Variants in PCDH7 observed in about 807,000 individuals in gnomAD.
The protein encoded by PCDH7 is protocadherin 7.
Under a neutral mutation model 58.9 loss-of-function variants are expected in PCDH7, and 17 were observed. That is an observed-to-expected ratio of 0.29 (90% CI 0.20 to 0.43). The LOEUF (loss-of-function observed/expected upper bound fraction) is 0.43, where lower values mean the gene tolerates loss of function less well. Among genes scored for constraint, PCDH7 ranks in the 20% least tolerant of loss-of-function variants. The pLI is 1.00. For missense variants in PCDH7, 1,274 were observed against 1,441.0 expected (o/e 0.88, Z 1.88); for synonymous variants, 664 against 616.4 (o/e 1.08, Z -1.14).
intron 1 of PCDH7, among the ~76,000 whole-genome samples, chr4:30,891,615 A>G (rs1206366209): frequency 6.6e-6 from 1 of 151,934 alleles, no homozygotes; most frequent in East Asian, 1.9e-4. Flanking sequence ...CAAATCCACT[A>G]TTTTTCTCTT....
intron 3 of PCDH7, among the ~76,000 whole-genome samples, chr4:30,985,405 G>A (rs1017350288): frequency 3.3e-5 from 5 of 151,936 alleles, no homozygotes; most frequent in African/African-American, 1.2e-4. Flanking sequence ...GTTATTCCAG[G>A]CTAGATTGGT....
chr4:31,101,094 G>A (rs1714836708), intron 3 of PCDH7, among the ~76,000 whole-genome samples: 1 of 152,060 alleles, frequency 6.6e-6, no homozygotes, highest in Non-Finnish European at 1.5e-5. Context: ...ATTATTACCA[G>A]GTAGCATTTT....
chr4:31,095,811 A>G (rs1713898268), intron 3 of PCDH7, among the ~76,000 whole-genome samples: 1 of 152,190 alleles, frequency 6.6e-6, no homozygotes, highest in Admixed American at 6.5e-5. Flanking sequence ...CTTTCTCTCT[A>G]TAGTGTTTCT....
chr4:30,791,261 C>T (rs1286100051), intron 1 of PCDH7, among the ~76,000 whole-genome samples: 1 of 152,082 alleles, frequency 6.6e-6, no homozygotes, highest in Admixed American at 6.6e-5. Context: ...GGAATTCAGC[C>T]TGCTTGGGTT....
intron 3 of PCDH7, among the ~76,000 whole-genome samples, chr4:31,039,679 C>G (rs912703103): frequency 2.0e-5 from 3 of 152,146 alleles, no homozygotes; most frequent in African/African-American, 7.2e-5. Flanking sequence ...TTCCTTGACT[C>G]TACACATTCT....
At chr4:30,926,376 G>C (rs527734111) in intron 2 of PCDH7, among the ~76,000 whole-genome samples, 1 of 151,954 alleles carries the variant, frequency 6.6e-6, no homozygotes, top group Non-Finnish European at 1.5e-5. Context: ...AGTAGAGACA[G>C]GGTTTCACCA....
chr4:31,072,889 TC>T (rs1334835359), intron 3 of PCDH7, among the ~76,000 whole-genome samples: 1 of 152,036 alleles, frequency 6.6e-6, no homozygotes, highest in Non-Finnish European at 1.5e-5. Flanking sequence ...TAGGGGTCAT[TC>T]TTTAGTGCGG....
intron 1 of PCDH7, among the ~76,000 whole-genome samples, chr4:30,729,859 A>T (rs955186720): frequency 6.6e-6 from 1 of 151,994 alleles, no homozygotes; most frequent in Non-Finnish European, 1.5e-5. Flanking sequence ...TTAACTTTCA[A>T]TTGGATTGCT....
At chr4:30,808,728 C>T (rs1419446595) in intron 1 of PCDH7, among the ~76,000 whole-genome samples, 2 of 152,072 alleles carry the variant, frequency 1.3e-5, no homozygotes, top group African/African-American at 2.4e-5. Context: ...ACAAATGTGT[C>T]GTGTGAAAAG....
intron 3 of PCDH7, among the ~76,000 whole-genome samples, chr4:31,040,671 G>A (rs927298583): frequency 2.6e-5 from 4 of 152,128 alleles, no homozygotes; most frequent in African/African-American, 4.8e-5. Context: ...AGTTCATTAG[G>A]TAAGCCTTTA....
In PCDH7 at chr4:30,723,049, T is replaced by C; in HGVS notation, c.1627T>C (p.Tyr543His). Residue 543 changes from tyrosine (Y) to histidine (H), a missense_variant, in exon 1 of 2, where the codon TAC (tyrosine) becomes CAC (histidine). This residue lies in a region of PCDH7 where 731 missense variants were observed against 881.9 expected (regional missense o/e 0.83). Transcript: ENST00000361762. The surrounding 1 kb of genome is among the most constrained non-coding windows in gnomAD (Gnocchi z 4.6). ...GTTCGGCCAGTCGGTGGTGGAGGTTTACTTCCCTGAGAACAACATCCCGGG... is the reference window on the plus strand; with the variant it reads ...GTTCGGCCAGTCGGTGGTGGAGGTTCACTTCCCTGAGAACAACATCCCGGG... The C allele has an allele frequency of 1.2e-6, 2 of 1,613,866 alleles. No homozygotes were observed. The highest frequency in any genetic ancestry group is 1.7e-6 in the Non-Finnish European group (2 of 1,180,018).
intron 3 of PCDH7, among the ~76,000 whole-genome samples, chr4:31,021,953 A>G (rs1754055738): frequency 6.6e-6 from 1 of 152,204 alleles, no homozygotes; most frequent in African/African-American, 2.4e-5. Flanking sequence ...TTAGTTTTGA[A>G]ATTATAAGGT....
intron 3 of PCDH7, among the ~76,000 whole-genome samples, chr4:31,051,854 G>T (rs750580157): frequency 6.6e-6 from 1 of 151,102 alleles, no homozygotes; most frequent in African/African-American, 2.4e-5. Context: ...TAGGGGAATT[G>T]TTCATGATAT....
intron 1 of PCDH7, among the ~76,000 whole-genome samples, chr4:30,894,650 G>A (rs1739171102): frequency 7.1e-6 from 1 of 140,332 alleles, no homozygotes; most frequent in Admixed American, 7.4e-5. Context: ...TTTAATCCAG[G>A]TAAATGATCT....
chr4:30,962,729 C>CCATGATCACGCCACTGCAGCCTGGG (rs1748566986), intron 3 of PCDH7, among the ~76,000 whole-genome samples: 1 of 138,622 alleles, frequency 7.2e-6, no homozygotes. Context: ...CTGCAGTGAG[C>CCATGATCACGCCACTGCAGCCTGGG]CATGATCACG....
chr4:31,078,125 G>A (rs13133529), intron 3 of PCDH7, among the ~76,000 whole-genome samples: 6,049 of 152,186 alleles, frequency 0.04, 407 homozygotes, highest in East Asian at 0.33. Context: ...GGGACTAAGC[G>A]CATCTTCAGA....
At chr4:30,772,594 C>T (rs979469357) in intron 1 of PCDH7, among the ~76,000 whole-genome samples, 10 of 152,164 alleles carry the variant, frequency 6.6e-5, no homozygotes, top group Non-Finnish European at 1.2e-4. Flanking sequence ...TTCATTCCAT[C>T]TGCCATGCCT....
intron 3 of PCDH7, among the ~76,000 whole-genome samples, chr4:31,139,494 A>G (rs894897416): frequency 2.0e-5 from 3 of 152,216 alleles, no homozygotes; most frequent in African/African-American, 4.8e-5. Flanking sequence ...TAATGCCACA[A>G]AAAAATAGGA....
intron 1 of PCDH7, among the ~76,000 whole-genome samples, chr4:30,800,967 C>G (rs1725458201): frequency 6.6e-6 from 1 of 152,188 alleles, no homozygotes; most frequent in Non-Finnish European, 1.5e-5. Context: ...GTTGGCTCTG[C>G]TGATAGAGTG....
Sources: gnomAD v4.1 joint callset for allele counts (sites outside exome capture counted in the v4.1 genomes callset) on GRCh38, gnomAD v4.1.1 for gene constraint, gnomAD v4.1.1 regional missense constraint, Gnocchi (gnomAD v3.1) non-coding constraint, MANE v1.5 for transcripts, NCBI Gene and HGNC (gene_info 2026-07-23, HGNC 2026-07-21) for gene names.